FYCO1: variants seen among roughly 807,000 people sequenced by gnomAD.
The protein encoded by FYCO1 is FYVE and coiled-coil domain autophagy adaptor 1.
Under a neutral mutation model 165.1 loss-of-function variants are expected in FYCO1, and 122 were observed. The observed-to-expected ratio is 0.74, with a 90% confidence interval of 0.64 to 0.86. The LOEUF is 0.86. Among genes scored for constraint, FYCO1 ranks in the 40% least tolerant of loss-of-function variants. FYCO1 has a pLI of 0.00. For synonymous variants in FYCO1, 648 were observed against 742.5 expected, an observed-to-expected ratio of 0.87 and a Z score of 2.07; for missense variants, 1,702 against 1,810.3, an observed-to-expected ratio of 0.94 and a Z score of 1.09.
intron 14 of FYCO1, among the ~76,000 whole-genome samples, chr3:45,952,128 G>C (rs953728779): frequency 3.3e-5 from 5 of 152,142 alleles, no homozygotes; most frequent in Non-Finnish European, 7.3e-5. Flanking sequence ...CTCCCTGATG[G>C]GCTGCACAGG....
chr3:45,987,403 A>T (rs75357697), intron 1 of FYCO1, among the ~76,000 whole-genome samples: 11,015 of 151,072 alleles, frequency 0.073, 593 homozygotes, highest in East Asian at 0.24. Flanking sequence ...ATGAATTTAT[A>T]AAAAAAAATG....
At chr3:45,939,180 C>T (rs190178052) in intron 14 of FYCO1, among the ~76,000 whole-genome samples, 12 of 150,730 alleles carry the variant, frequency 8.0e-5, no homozygotes, top group African/African-American at 2.2e-4. Context: ...TGTTCTAGTC[C>T]GTCAACTTGT....
At chr3:45,995,436 G>T (rs897855761) in intron 1 of FYCO1, among the ~76,000 whole-genome samples, 2 of 152,220 alleles carry the variant, frequency 1.3e-5, no homozygotes, top group African/African-American at 4.8e-5. Flanking sequence ...TTTCCTTTGC[G>T]GGCCCTCCGC....
chr3:45,968,212 C>G lies in FYCO1; in HGVS notation c.1122G>C (p.Met374Ile), dbSNP rs1706207158. ...ATGCCGTATCTGCCTTCTGCTGAGC[C>G]ATGGCTAGCCAGCCTGGGAAGCTGG... ...HLASFPGWLA[M>I]AQQKADTASD... Residue 374 changes from methionine (M) to isoleucine (I), a missense_variant, in exon 8 of 18, where the codon ATG becomes ATC. Coordinates refer to ENST00000296137, the MANE Select transcript of FYCO1 (RefSeq NM_024513.4). 1 of 1,614,060 alleles carries G rather than the reference C, an allele frequency of 6.2e-7. No homozygotes were observed. The highest frequency in any genetic ancestry group is 2.2e-5 in the East Asian group (1 of 44,876).
In FYCO1 at chr3:45,936,665, C is replaced by T. The variant is rs369642169; in HGVS notation, c.3945-122G>A. On this transcript the variant is annotated intron_variant, in intron 14 of 17. Coordinates refer to ENST00000296137, the MANE Select transcript of FYCO1 (RefSeq NM_024513.4). Reference sequence around the variant, plus strand: ...CCAGATGCATGGGGGATCCTTTAATCATAGAGGCCATGACAGAGACCCTGG... The same window carrying T: ...CCAGATGCATGGGGGATCCTTTAATTATAGAGGCCATGACAGAGACCCTGG... The T allele has an allele frequency of 2.8e-5, 21 of 752,002 alleles. No homozygotes were observed. In the South Asian group the frequency reaches 3.0e-4, roughly 11 times the overall value. 46.6% of individuals were successfully genotyped at this position (752,002 alleles called of 1,614,324 possible). A position where few individuals can be genotyped will look rare whatever the true frequency, so the allele number is the denominator to read the frequency against.
chr3:45,981,693 A>G lies in FYCO1; in HGVS notation c.56-17T>C, dbSNP rs760973254. ...TCACAGCATCTTTAAGACAACAAAT[A>G]GGAACATGTAACCAGATAGTGACTA... On this transcript the variant is annotated splice_polypyrimidine_tract_variant and intron_variant, in intron 2 of 17. Transcript: ENST00000296137. 6.5e-7 allele frequency: 1 copy of G among 1,533,232 alleles called. No homozygotes were observed. Among genetic ancestry groups the G allele is most frequent in the East Asian group, 2.2e-5 (1 of 44,552 alleles). The allele number at this position is 1,533,232 out of a possible 1,614,324, so 95.0% of individuals were successfully genotyped here. A position where few individuals can be genotyped will look rare whatever the true frequency, so the allele number is the denominator to read the frequency against.
Position 45,973,235 on chromosome 3 carries a change from C to A in FYCO1, c.396-4G>T. The A allele has an allele frequency of 6.2e-7, 1 of 1,613,832 alleles. No homozygotes were observed. Among genetic ancestry groups the A allele is most frequent in the South Asian group, 1.1e-5 (1 of 91,076 alleles). On this transcript the variant is annotated splice_polypyrimidine_tract_variant and splice_region_variant and intron_variant, in intron 5 of 17. Transcript: ENST00000296137. ...GCTTCTTGCATAGTACCAGTCACTG[C>A]AGAAAAACATGTCAATTATAAGAGT...
In FYCO1 at chr3:45,921,677, A is replaced by C; in HGVS notation, c.*88T>G. ...GGGGCTGAGTTGATGATTTTGGAGC[A>C]GCTGACTTTTTAAAAAAATGCTTTA... On this transcript the variant is annotated 3_prime_UTR_variant, in exon 18 of 18. Coordinates refer to ENST00000296137, the MANE Select transcript of FYCO1 (RefSeq NM_024513.4). 1 of 916,836 alleles carries C rather than the reference A, an allele frequency of 1.1e-6. No homozygotes were observed. Among genetic ancestry groups the C allele is most frequent in the Non-Finnish European group, 1.8e-6 (1 of 551,624 alleles). 56.8% of individuals were successfully genotyped at this position (916,836 alleles called of 1,614,324 possible). A position where few individuals can be genotyped will look rare whatever the true frequency, so the allele number is the denominator to read the frequency against.
At chr3:45,926,384 C>T (rs1158452223) in intron 16 of FYCO1, among the ~76,000 whole-genome samples, 1 of 152,156 alleles carries the variant, frequency 6.6e-6, no homozygotes, top group African/African-American at 2.4e-5. Flanking sequence ...TTACATAACA[C>T]AGCTTTTATA....
chr3:45,933,207 A>G (rs1005147661), intron 15 of FYCO1, among the ~76,000 whole-genome samples: 1 of 152,212 alleles, frequency 6.6e-6, no homozygotes, highest in Admixed American at 6.5e-5. Context: ...TGTGAATTCC[A>G]CTGAGTGACC....
intron 14 of FYCO1, chr3:45,947,412 T>TTA (rs1704691406): frequency 6.2e-7 from 1 of 1,614,098 alleles, no homozygotes; most frequent in African/African-American, 1.3e-5. Context: ...TTGCCTCCCT[T>TTA]ACCTTGGGGT....
At chr3:45,986,374 C>T (rs561273521) in intron 1 of FYCO1, among the ~76,000 whole-genome samples, 2 of 152,278 alleles carry the variant, frequency 1.3e-5, no homozygotes, top group South Asian at 4.1e-4. Context: ...ACCTTGCCCT[C>T]GTGGCTCCAG....
At chr3:45,957,059 T>G (rs541263936) in intron 13 of FYCO1, among the ~76,000 whole-genome samples, 1 of 152,170 alleles carries the variant, frequency 6.6e-6, no homozygotes, top group Non-Finnish European at 1.5e-5. Context: ...TGGAATAGAA[T>G]AAAAGTCCAG....
chr3:45,979,110 T>G (rs1706917226), intron 4 of FYCO1, among the ~76,000 whole-genome samples: 1 of 152,122 alleles, frequency 6.6e-6, no homozygotes, highest in South Asian at 2.1e-4. Context: ...TCTGCCCGCC[T>G]CGGCCTCCCA....
chr3:45,979,336 T>G (rs1370911610), intron 4 of FYCO1, among the ~76,000 whole-genome samples: 3 of 151,492 alleles, frequency 2.0e-5, no homozygotes, highest in Admixed American at 2.0e-4. Context: ...CATAGCAAAC[T>G]CTAAAGAATT....
At chr3:45,956,566 GTTC>G (rs147316571) in intron 13 of FYCO1, among the ~76,000 whole-genome samples, 13,497 of 152,068 alleles carry the variant, frequency 0.089, 998 homozygotes, top group South Asian at 0.35. Context: ...TAGAAGTGAA[GTTC>G]TTCTTCTTGT....
Position 45,958,422 on chromosome 3 carries a change from G to T in FYCO1, c.3785C>A (p.Ala1262Asp), listed in dbSNP as rs756916557. Residue 1262 changes from alanine (A) to aspartate (D), a missense_variant, in exon 13 of 18, where the codon GCC becomes GAC. Physicochemically the swap from Ala to Asp is moderately radical, Grantham distance 126. Transcript: ENST00000296137. ...AGGAGACTGACCTTGGCCTCCTGTG[G>T]CCTGGGGCCCAGGTGAGGCTGGTGA... Reference protein sequence around the residue: ...ALSPASPGPQATGGQGANTDY... With the variant: ...ALSPASPGPQDTGGQGANTDY... The T allele has an allele frequency of 1.2e-6, 2 of 1,612,418 alleles. No individual in the cohort carries two copies. The highest frequency in any genetic ancestry group is 2.2e-5 in the South Asian group (2 of 90,978).
At chr3:45,974,901 G>T (rs1204629962) in intron 5 of FYCO1, among the ~76,000 whole-genome samples, 2 of 152,210 alleles carry the variant, frequency 1.3e-5, no homozygotes, top group African/African-American at 2.4e-5. Context: ...GAGAGGCCAA[G>T]GCTGTAACCT....
At chr3:45,985,188 G>A (rs962220625) in intron 1 of FYCO1, among the ~76,000 whole-genome samples, 166 bp from the exon 2 acceptor site, 1 of 152,170 alleles carries the variant, frequency 6.6e-6, no homozygotes, top group African/African-American at 2.4e-5. Flanking sequence ...GCACTCTCTG[G>A]TTTGTTTCTG....
Sources: gnomAD v4.1 joint callset for allele counts (sites outside exome capture counted in the v4.1 genomes callset) on GRCh38, gnomAD v4.1.1 for gene constraint, MANE v1.5 for transcripts, NCBI Gene and HGNC (gene_info 2026-07-23, HGNC 2026-07-21) for gene names.